Variants in SMIM38 observed in about 807,000 individuals in gnomAD.
The protein encoded by SMIM38 is small integral membrane protein 38.
At position 69,158,117 on chromosome 11, in the gene SMIM38, G is replaced by A. The variant is rs576538323; in HGVS notation, c.*115G>A. The A allele has an allele frequency of 1.1e-4, 44 of 397,182 alleles. No homozygotes were observed. Among genetic ancestry groups the A allele is most frequent in the Middle Eastern group, 6.3e-4 (1 of 1,590 alleles). The allele number at this position is 397,182 out of a possible 1,614,324, so 24.6% of individuals were successfully genotyped here. On this transcript the variant is annotated 3_prime_UTR_variant, in exon 2 of 3. Transcript: ENST00000686237. ...GCATGATCCCCATGTCCCACCCCTG[G>A]GGCAGGAGCTCAGAGAGGCCTGAGA...
chr11:69,155,853 T>G (rs1856979330), upstream of SMIM38: 1 of 152,236 alleles, frequency 6.6e-6, no homozygotes, highest in Admixed American at 6.5e-5. Flanking sequence ...TATCGATGAC[T>G]TACTCTATGA....
rs1857053921 is a variant in SMIM38, at chr11:69,161,517, C to T, written c.*3421C>T. ...GTCCTTGGCTGCTCCAATCTGGAGT[C>T]AGAGGTTGGAGATTTCCATGGCTCC... On this transcript the variant is annotated 3_prime_UTR_variant, in exon 3 of 3. Coordinates refer to ENST00000686237, the MANE Select transcript of SMIM38 (RefSeq NM_001369201.2). 2 of 152,200 alleles carry T rather than the reference C, an allele frequency of 1.3e-5. No homozygotes were observed. Among genetic ancestry groups the T allele is most frequent in the African/African-American group, 2.4e-5 (1 of 41,446 alleles). 9.4% of individuals were successfully genotyped at this position (152,200 alleles called of 1,614,324 possible).
rs1565114757 is a variant in SMIM38, at chr11:69,157,630, T to A, written c.-217T>A. ...CTCACATGCCAGGGAGGCCCCGGGCTGGAGTCTGGCGGGCAGATCTGGCCT... is the reference window on the plus strand; with the variant it reads ...CTCACATGCCAGGGAGGCCCCGGGCAGGAGTCTGGCGGGCAGATCTGGCCT... On this transcript the variant is annotated 5_prime_UTR_variant, in exon 2 of 3. Coordinates refer to ENST00000686237, the MANE Select transcript of SMIM38 (RefSeq NM_001369201.2). The A allele has an allele frequency of 2.6e-6, 1 of 392,076 alleles. No individual in the cohort carries two copies. Among genetic ancestry groups the A allele is most frequent in the Non-Finnish European group, 4.5e-6 (1 of 222,516 alleles). The allele number at this position is 392,076 out of a possible 1,614,324, so 24.3% of individuals were successfully genotyped here.
Position 69,158,993 on chromosome 11 carries a change from G to A in SMIM38, c.*991G>A, listed in dbSNP as rs1857024877. The stretch of plus-strand genomic sequence containing the variant: ...CAGCGAGGGCTGCTGACTGCATGCG[G>A]AACTGTGAGATGGAAGGGACTGTGG... On this transcript the variant is annotated 3_prime_UTR_variant, in exon 2 of 3. Transcript: ENST00000686237. 6.6e-6 allele frequency: 1 copy of A among 152,300 alleles called. No homozygotes were observed. Among genetic ancestry groups the A allele is most frequent in the Admixed American group, 6.5e-5 (1 of 15,290 alleles). The allele number at this position is 152,300 out of a possible 1,614,324, so 9.4% of individuals were successfully genotyped here.
chr11:69,155,928 A>T (rs1373890088), upstream of SMIM38: 1 of 152,402 alleles, frequency 6.6e-6, no homozygotes, highest in Non-Finnish European at 1.5e-5. Context: ...GCGCGTGGAA[A>T]ACAAGCCCAG....
Position 69,158,007 on chromosome 11 carries a change from C to T in SMIM38, c.*5C>T. On this transcript the variant is annotated 3_prime_UTR_variant, in exon 2 of 3. Coordinates refer to ENST00000686237, the MANE Select transcript of SMIM38 (RefSeq NM_001369201.2). ...CAGAAACCCAAGCAGGACTAAGCCT[C>T]TGCAGGCTGCGGCCTCCACGCGCCC... is the stretch of plus-strand genomic sequence containing the variant. 1 of 398,922 alleles carries T rather than the reference C, an allele frequency of 2.5e-6. No individual in the cohort carries two copies. The allele number at this position is 398,922 out of a possible 1,614,324, so 24.7% of individuals were successfully genotyped here. A position where few individuals can be genotyped will look rare whatever the true frequency, so the allele number is the denominator to read the frequency against.
chr11:69,157,906 G>T lies in SMIM38; in HGVS notation c.60G>T (p.Val20=). 1 of 399,400 alleles carries T rather than the reference G, an allele frequency of 2.5e-6. No individual in the cohort carries two copies. Among genetic ancestry groups the T allele is most frequent in the East Asian group, 3.6e-5 (1 of 28,094 alleles). 24.7% of individuals were successfully genotyped at this position (399,400 alleles called of 1,614,324 possible). ...GPDPLLALLV[V]ILLARLILWS... ...ACCCGCTCCTGGCCCTGCTGGTGGTGATCCTGCTAGCACGCCTCATCCTGT... is the reference window on the plus strand; with the variant it reads ...ACCCGCTCCTGGCCCTGCTGGTGGTTATCCTGCTAGCACGCCTCATCCTGT... The change falls in exon 2 of 3, where the codon GTG becomes GTT. Residue 20 remains valine, a synonymous_variant. Coordinates refer to ENST00000686237, the MANE Select transcript of SMIM38 (RefSeq NM_001369201.2).
Position 69,157,909 on chromosome 11 carries a change from C to T in SMIM38, c.63C>T (p.Ile21=). 2.5e-6 allele frequency: 1 copy of T among 399,262 alleles called. No individual in the cohort carries two copies. Among genetic ancestry groups the T allele is most frequent in the Admixed American group, 4.4e-5 (1 of 22,744 alleles). The allele number at this position is 399,262 out of a possible 1,614,324, so 24.7% of individuals were successfully genotyped here. A position where few individuals can be genotyped will look rare whatever the true frequency, so the allele number is the denominator to read the frequency against. Residue 21 remains isoleucine, a synonymous_variant, in exon 2 of 3, where the codon ATC becomes ATT. Transcript: ENST00000686237. Reference sequence around the variant, plus strand: ...CGCTCCTGGCCCTGCTGGTGGTGATCCTGCTAGCACGCCTCATCCTGTGGT... The same window carrying T: ...CGCTCCTGGCCCTGCTGGTGGTGATTCTGCTAGCACGCCTCATCCTGTGGT... ...PDPLLALLVV[I]LLARLILWSC... is the part of the protein sequence containing the mutation.
rs1164648412 is a variant in SMIM38, at chr11:69,158,820, C to G, written c.*818C>G. ...CAGTGCTCCTGCTCCACCTCCGTAG[C>G]ACGTTAGCCGTGATGCCAGTGACTT... is the stretch of plus-strand genomic sequence containing the variant. On this transcript the variant is annotated 3_prime_UTR_variant, in exon 2 of 3. Coordinates refer to ENST00000686237, the MANE Select transcript of SMIM38 (RefSeq NM_001369201.2). 7.2e-5 allele frequency: 11 copies of G among 152,294 alleles called. No individual in the cohort carries two copies. The highest frequency in any genetic ancestry group is 6.5e-4 in the Admixed American group (10 of 15,288). The allele number at this position is 152,294 out of a possible 1,614,324, so 9.4% of individuals were successfully genotyped here. A position where few individuals can be genotyped will look rare whatever the true frequency, so the allele number is the denominator to read the frequency against.
Position 69,158,084 on chromosome 11 carries a change from G to A in SMIM38, c.*82G>A. 1 of 398,522 alleles carries A rather than the reference G, an allele frequency of 2.5e-6. No individual in the cohort carries two copies. Among genetic ancestry groups the A allele is most frequent in the Non-Finnish European group, 4.4e-6 (1 of 226,290 alleles). 24.7% of individuals were successfully genotyped at this position (398,522 alleles called of 1,614,324 possible). ...AGTGGTGGTGGGAGGGAGGGGAGCA[G>A]GGCAGGCGCATGATCCCCATGTCCC... On this transcript the variant is annotated 3_prime_UTR_variant, in exon 2 of 3. Coordinates refer to ENST00000686237, the MANE Select transcript of SMIM38 (RefSeq NM_001369201.2).
rs1385919951 is a variant in SMIM38 at position 69,159,554 on chromosome 11, CA to C, written c.*1459del. On this transcript the variant is annotated 3_prime_UTR_variant, in exon 3 of 3. Coordinates refer to ENST00000686237, the MANE Select transcript of SMIM38 (RefSeq NM_001369201.2). ...GGACCGACCAAGAGTTTGAGGTGTC[CA>C]GGGGGTGACGTGAAGATGACCTATT... 2 of 151,582 alleles carry C rather than the reference CA, an allele frequency of 1.3e-5. No individual in the cohort carries two copies. Among genetic ancestry groups the C allele is most frequent in the Non-Finnish European group, 2.9e-5 (2 of 68,044 alleles). The allele number at this position is 151,582 out of a possible 1,614,324, so 9.4% of individuals were successfully genotyped here. A position where few individuals can be genotyped will look rare whatever the true frequency, so the allele number is the denominator to read the frequency against.
In SMIM38 at chr11:69,159,854, TTGATCTC is replaced by T. The variant is rs1857035523; in HGVS notation, c.*1760_*1766del. The stretch of plus-strand genomic sequence containing the variant: ...AAAAACATGATCTGGTACCATTTCA[TTGATCTC>T]TTTAAGGAAGAAAAATCACATGGTT... On this transcript the variant is annotated 3_prime_UTR_variant, in exon 3 of 3. Transcript: ENST00000686237. The T allele has an allele frequency of 6.6e-6, 1 of 152,214 alleles. No individual in the cohort carries two copies. Among genetic ancestry groups the T allele is most frequent in the African/African-American group, 2.4e-5 (1 of 41,452 alleles). The allele number at this position is 152,214 out of a possible 1,614,324, so 9.4% of individuals were successfully genotyped here.
rs1001124636 is a variant in SMIM38 at position 69,160,136 on chromosome 11, C to G, written c.*2040C>G. ...GTGTAGGATGGCACCTACACACATACCTGAGGTCACCTCTTGGTCCAGTGA... is the reference window on the plus strand; with the variant it reads ...GTGTAGGATGGCACCTACACACATAGCTGAGGTCACCTCTTGGTCCAGTGA... On this transcript the variant is annotated 3_prime_UTR_variant, in exon 3 of 3. Coordinates refer to ENST00000686237, the MANE Select transcript of SMIM38 (RefSeq NM_001369201.2). 6.6e-6 allele frequency: 1 copy of G among 151,684 alleles called. No individual in the cohort carries two copies. The highest frequency in any genetic ancestry group is 1.5e-5 in the Non-Finnish European group (1 of 68,012). 9.4% of individuals were successfully genotyped at this position (151,684 alleles called of 1,614,324 possible).
At position 69,160,054 on chromosome 11, in the gene SMIM38, C is replaced by A. The variant is rs1399044829; in HGVS notation, c.*1958C>A. 1 of 152,222 alleles carries A rather than the reference C, an allele frequency of 6.6e-6. No individual in the cohort carries two copies. The highest frequency in any genetic ancestry group is 2.4e-5 in the African/African-American group (1 of 41,440). 9.4% of individuals were successfully genotyped at this position (152,222 alleles called of 1,614,324 possible). On this transcript the variant is annotated 3_prime_UTR_variant, in exon 3 of 3. Coordinates refer to ENST00000686237, the MANE Select transcript of SMIM38 (RefSeq NM_001369201.2). ...AGACATTCATATGATGTGCCGATGT[C>A]TTGCCAGTTGTAGAGTTTTGTGTAA...
chr11:69,156,998 T>C (rs1856994297), intron 1 of SMIM38, among the ~76,000 whole-genome samples, 176 bp from the exon 2 acceptor site: 1 of 152,190 alleles, frequency 6.6e-6, no homozygotes, highest in Admixed American at 6.5e-5. Flanking sequence ...GAGGTGCTGC[T>C]GGGGGTCCAC....
In SMIM38 at chr11:69,160,197, T is replaced by G. The variant is rs1025887691; in HGVS notation, c.*2101T>G. ...TGGGACTTCATCATCTTTTTTTTTT[T>G]TTTTTTTGAGATGGAATCTCACTCT... On this transcript the variant is annotated 3_prime_UTR_variant, in exon 3 of 3. Transcript: ENST00000686237. The G allele has an allele frequency of 6.6e-5, 10 of 151,638 alleles. No homozygotes were observed. Among genetic ancestry groups the G allele is most frequent in the Non-Finnish European group, 1.3e-4 (9 of 67,890 alleles). 9.4% of individuals were successfully genotyped at this position (151,638 alleles called of 1,614,324 possible).
At chr11:69,156,591 C>CGCGTGT (rs1555009601) in intron 1 of SMIM38, among the ~76,000 whole-genome samples, 1 of 150,702 alleles carries the variant, frequency 6.6e-6, no homozygotes, top group African/African-American at 2.4e-5. Flanking sequence ...CATGTGTATG[C>CGCGTGT]GTGTGTGTGT....
rs942446638 is a variant in SMIM38, at chr11:69,160,691, C to T, written c.*2595C>T. 52 of 152,210 alleles carry T rather than the reference C, an allele frequency of 3.4e-4. No homozygotes were observed. The highest frequency in any genetic ancestry group is 1.8e-3 in the Admixed American group (28 of 15,282). The allele number at this position is 152,210 out of a possible 1,614,324, so 9.4% of individuals were successfully genotyped here. ...ATAATTTCTTTTCTTTTTCTTAAGT[C>T]TGTTTCATTGGTTTCTGTTCCTGGA... On this transcript the variant is annotated 3_prime_UTR_variant, in exon 3 of 3. Transcript: ENST00000686237.
In SMIM38 at chr11:69,162,385, C is replaced by T. The variant is rs554934959; in HGVS notation, c.*4289C>T. On this transcript the variant is annotated 3_prime_UTR_variant, in exon 3 of 3. Transcript: ENST00000686237. ...ATTAGTAATGGTTTTATATTGATTA[C>T]GCATTGAAATAATACTATTTTGGAC... is the stretch of plus-strand genomic sequence containing the variant. 8 of 152,224 alleles carry T rather than the reference C, an allele frequency of 5.3e-5. No homozygotes were observed. Among genetic ancestry groups the T allele is most frequent in the South Asian group, 2.1e-4 (1 of 4,822 alleles). 9.4% of individuals were successfully genotyped at this position (152,224 alleles called of 1,614,324 possible). A position where few individuals can be genotyped will look rare whatever the true frequency, so the allele number is the denominator to read the frequency against.
Sources: gnomAD v4.1 joint callset for allele counts (sites outside exome capture counted in the v4.1 genomes callset) on GRCh38, gnomAD v4.1.1 for gene constraint, MANE v1.5 for transcripts, NCBI Gene and HGNC (gene_info 2026-07-23, HGNC 2026-07-21) for gene names.